RC3H1: variants seen among roughly 807,000 people sequenced by gnomAD.
The protein encoded by RC3H1 is roquin-1.
Under a neutral mutation model 138.2 loss-of-function variants are expected in RC3H1, and 50 were observed. The ratio of observed to expected loss-of-function variants is 0.36; its 90% CI spans 0.29 to 0.46. RC3H1 has a LOEUF of 0.46. Among genes scored for constraint, RC3H1 ranks in the 20% least tolerant of loss-of-function variants. The pLI is 1.00. For synonymous variants in RC3H1, 462 were observed against 489.1 expected (o/e 0.94, Z 0.73); for missense variants, 1,031 against 1,388.1 (o/e 0.74, Z 4.09).
chr1:173,939,184 G>A (rs998903079), intron 19 of RC3H1, among the ~76,000 whole-genome samples: 7 of 152,004 alleles, frequency 4.6e-5, no homozygotes, highest in African/African-American at 1.7e-4. Flanking sequence ...TGTAAGGCCC[G>A]TATCTTAAAA....
In RC3H1 at chr1:173,951,975, A is replaced by G. The variant is rs542171043; in HGVS notation, c.2523+11T>C. On this transcript the variant is annotated intron_variant, in intron 14 of 19. Coordinates refer to ENST00000367696, the MANE Select transcript of RC3H1 (RefSeq NM_172071.4). The stretch of plus-strand genomic sequence containing the variant: ...AATTTGTATTAATTATTGCTTAGCT[A>G]TTACACATACCATCATTTCCACACT... The G allele has an allele frequency of 2.5e-6, 4 of 1,599,894 alleles. No individual in the cohort carries two copies. The highest frequency in any genetic ancestry group is 1.3e-5 in the African/African-American group (1 of 74,340).
Position 173,931,349 on chromosome 1 carries a change from C to A in RC3H1, c.*7372G>T, listed in dbSNP as rs1364980154. ...TTAAAATAAATCATTTTATCTGCAA[C>A]TCATGGGAGCCTTAAACACTAATTA... On this transcript the variant is annotated 3_prime_UTR_variant, in exon 20 of 20. Coordinates refer to ENST00000367696, the MANE Select transcript of RC3H1 (RefSeq NM_172071.4). 1 of 152,136 alleles carries A rather than the reference C, an allele frequency of 6.6e-6. No homozygotes were observed. Among genetic ancestry groups the A allele is most frequent in the African/African-American group, 2.4e-5 (1 of 41,424 alleles). 9.4% of individuals were successfully genotyped at this position (152,136 alleles called of 1,614,324 possible). A position where few individuals can be genotyped will look rare whatever the true frequency, so the allele number is the denominator to read the frequency against.
At chr1:173,993,412 CT>C (rs35670849) in intron 1 of RC3H1, among the ~76,000 whole-genome samples, 40,696 of 143,260 alleles carry the variant, frequency 0.28, 9,561 homozygotes, top group African/African-American at 0.66. Flanking sequence ...TTATCTAAGT[CT>C]TTTTTTTTTT....
rs1272372304 is a variant in RC3H1 at position 173,931,648 on chromosome 1, A to T, written c.*7073T>A. Reference sequence around the variant, plus strand: ...AGAAATATTAAACAGATTAAAAACAAGAGAAAAACGGTCTATTTCAAATAG... The same window carrying T: ...AGAAATATTAAACAGATTAAAAACATGAGAAAAACGGTCTATTTCAAATAG... On this transcript the variant is annotated 3_prime_UTR_variant, in exon 20 of 20. Transcript: ENST00000367696. 1 of 152,220 alleles carries T rather than the reference A, an allele frequency of 6.6e-6. No homozygotes were observed. Among genetic ancestry groups the T allele is most frequent in the African/African-American group, 2.4e-5 (1 of 41,460 alleles). 9.4% of individuals were successfully genotyped at this position (152,220 alleles called of 1,614,324 possible).
rs906826994 is a variant in RC3H1, at chr1:173,941,275, A to G, written c.3241T>C (p.Leu1081=). The G allele has an allele frequency of 6.2e-7, 1 of 1,607,412 alleles. No homozygotes were observed. Among genetic ancestry groups the G allele is most frequent in the African/African-American group, 1.3e-5 (1 of 74,878 alleles). ...QNKVPAEDLT[L]TFSDVPNGSA... is the part of the protein sequence containing the mutation. ...TCTCCTTTTCTTTACCTGAATGTCAATGTAAGGTCCTCAGCCGGAACCTTG... is the reference window on the plus strand; with the variant it reads ...TCTCCTTTTCTTTACCTGAATGTCAGTGTAAGGTCCTCAGCCGGAACCTTG... Residue 1081 remains leucine, a synonymous_variant, in exon 19 of 20, where the codon TTG becomes CTG. Transcript: ENST00000367696.
At chr1:173,941,940 G>GAAAAAAAAAAAAAA (rs57487234) in intron 18 of RC3H1, among the ~76,000 whole-genome samples, 1 of 98,206 alleles carries the variant, frequency 1.0e-5, no homozygotes. Context: ...TCAAAAAAAG[G>GAAAAAAAAAAAAAA]AAAAAAAAAA....
At position 174,017,782 on chromosome 1, in the gene RC3H1, T is replaced by TAAAAAAAAA. The variant is rs1557954899; in HGVS notation, c.-151+4313_-151+4314insTTTTTTTTT. On this transcript the variant is annotated intron_variant, in intron 1 of 19. Transcript: ENST00000367696. Reference sequence around the variant, plus strand: ...GACCCCTTTAGAACTCTTTTCTTGCTCAAAAAAAAAAAAAAAAAAAAAAAA... The same window carrying TAAAAAAAAA: ...GACCCCTTTAGAACTCTTTTCTTGCTAAAAAAAAACAAAAAAAAAAAAAAAAAAAAAAAA... Among the ~76,000 whole-genome samples, 5 of 42,610 alleles carry TAAAAAAAAA rather than the reference T, an allele frequency of 1.2e-4. 1 individual carries two copies. The East Asian group carries it at 3.1e-3, about 26-fold the overall frequency. The allele number at this position is 42,610 out of a possible 152,430, so 28.0% of individuals were successfully genotyped here.
chr1:173,974,768 A>C (rs1362751400), intron 7 of RC3H1, among the ~76,000 whole-genome samples: 1 of 152,138 alleles, frequency 6.6e-6, no homozygotes, highest in South Asian at 2.1e-4. Flanking sequence ...AGTTGATAGA[A>C]AGCCACAGGA....
At chr1:173,978,365 G>A in intron 7 of RC3H1, 123 bp downstream of exon 7, 1 of 977,694 alleles carries the variant, frequency 1.0e-6, no homozygotes, top group Non-Finnish European at 1.5e-6. Flanking sequence ...TTAAAATACT[G>A]TAAAAAAGAT....
At chr1:174,020,624 T>A (rs1403786316) in intron 1 of RC3H1, among the ~76,000 whole-genome samples, 1 of 152,232 alleles carries the variant, frequency 6.6e-6, no homozygotes, top group Non-Finnish European at 1.5e-5. Context: ...GCGATTTTAA[T>A]ATAAATTTCT....
In RC3H1 at chr1:173,946,624, A is replaced by C. The variant is rs749229375; in HGVS notation, c.2829-16T>G. 25 of 1,612,308 alleles carry C rather than the reference A, an allele frequency of 1.6e-5. 1 individual carries two copies. In the South Asian group the frequency reaches 2.6e-4, roughly 17 times the overall value. ...TATTCTCTCCCTTTGGTTAGAAAGA[A>C]AGTGTGAATCAAATTTTAACATTTC... is the stretch of plus-strand genomic sequence containing the variant. On this transcript the variant is annotated splice_polypyrimidine_tract_variant and intron_variant, in intron 16 of 19. Coordinates refer to ENST00000367696, the MANE Select transcript of RC3H1 (RefSeq NM_172071.4).
chr1:173,949,915 C>A (rs1249724328), intron 14 of RC3H1, among the ~76,000 whole-genome samples: 1 of 152,030 alleles, frequency 6.6e-6, no homozygotes, highest in Non-Finnish European at 1.5e-5. Flanking sequence ...ACCTGTAATC[C>A]CAGCACTTTG....
chr1:174,021,955 G>T, intron 1 of RC3H1, 141 bp downstream of exon 1: 1 of 377,310 alleles, frequency 2.7e-6, no homozygotes, highest in Non-Finnish European at 4.7e-6. Context: ...GGAGCCTGGG[G>T]CCGGCCGGGC....
rs369955533 is a variant in RC3H1, at chr1:173,990,085, A to ATTT, written c.231+2667_231+2669dup. Among the ~76,000 whole-genome samples, 590 of 141,806 alleles carry ATTT rather than the reference A, an allele frequency of 4.2e-3. 5 individuals are homozygous for ATTT. Among genetic ancestry groups the ATTT allele is most frequent in the African/African-American group, 0.013 (495 of 38,824 alleles). 93.0% of individuals were successfully genotyped at this position (141,806 alleles called of 152,430 possible). A position where few individuals can be genotyped will look rare whatever the true frequency, so the allele number is the denominator to read the frequency against. On this transcript the variant is annotated intron_variant, in intron 2 of 19. Coordinates refer to ENST00000367696, the MANE Select transcript of RC3H1 (RefSeq NM_172071.4). Reference sequence around the variant, plus strand: ...TGTAGTCTTCAAAATATAGTTTTACATTTTTTTTTTTTTTGACAGAGTCGC... The same window carrying ATTT: ...TGTAGTCTTCAAAATATAGTTTTACATTTTTTTTTTTTTTTTTGACAGAGTCGC...
rs557169910 is a variant in RC3H1, at chr1:173,991,117, C to T, written c.231+1638G>A. Among the ~76,000 whole-genome samples, 39 of 152,254 alleles carry T rather than the reference C, an allele frequency of 2.6e-4. 1 individual carries two copies. The South Asian group carries it at 8.1e-3, about 32-fold the overall frequency. ...TGGTAGTGCACACCTGTAATCCCAG[C>T]TACTTGGGAGGCTAAGGCATGAGAA... On this transcript the variant is annotated intron_variant, in intron 2 of 19. Transcript: ENST00000367696.
At chr1:174,003,771 C>T (rs112766158) in intron 1 of RC3H1, among the ~76,000 whole-genome samples, 14,084 of 151,692 alleles carry the variant, frequency 0.093, 874 homozygotes, top group East Asian at 0.22. Flanking sequence ...ACGCCATTCT[C>T]CTGCCTCTGC....
chr1:173,980,675 T>TAATATGACACTGGCTATATGTCA, intron 6 of RC3H1, 134 bp downstream of exon 6: 1 of 483,006 alleles, frequency 2.1e-6, no homozygotes, highest in Non-Finnish European at 3.6e-6. Context: ...TATAACGTGA[T>TAATATGACACTGGCTATATGTCA]TGGTTATGAC....
chr1:174,019,113 C>T (rs1661913917), intron 1 of RC3H1, among the ~76,000 whole-genome samples: 1 of 152,012 alleles, frequency 6.6e-6, no homozygotes, highest in Non-Finnish European at 1.5e-5. Flanking sequence ...ACAAATTAAC[C>T]ATGAAAACAA....
At position 173,934,899 on chromosome 1, in the gene RC3H1, A is replaced by G. The variant is rs1432092193; in HGVS notation, c.*3822T>C. 6.6e-6 allele frequency: 1 copy of G among 152,212 alleles called. No homozygotes were observed. The highest frequency in any genetic ancestry group is 1.5e-5 in the Non-Finnish European group (1 of 68,030). The allele number at this position is 152,212 out of a possible 1,614,324, so 9.4% of individuals were successfully genotyped here. ...GAACTCTGGAAAGTCTGATGGAGTT[A>G]TATACTCAAAGTAGCAAATGAGAAT... On this transcript the variant is annotated 3_prime_UTR_variant, in exon 20 of 20. Coordinates refer to ENST00000367696, the MANE Select transcript of RC3H1 (RefSeq NM_172071.4).
Sources: gnomAD v4.1 joint callset for allele counts (sites outside exome capture counted in the v4.1 genomes callset) on GRCh38, gnomAD v4.1.1 for gene constraint, MANE v1.5 for transcripts, NCBI Gene and HGNC (gene_info 2026-07-23, HGNC 2026-07-21) for gene names.